The following FER variants were observed in gnomAD, a reference collection of about 807,000 sequenced individuals.
FER encodes tyrosine-protein kinase Fer.
In FER, 63 loss-of-function variants were observed where a neutral mutation model predicts 111.0. The observed-to-expected ratio is 0.57, with a 90% CI of 0.46 to 0.70. The LOEUF (loss-of-function observed/expected upper bound fraction) is 0.70, where lower values mean the gene tolerates loss of function less well. Among genes scored for constraint, FER ranks in the 30% least tolerant of loss-of-function variants. The pLI, the probability that FER is intolerant of heterozygous loss-of-function variation, is 0.00. For synonymous variants in FER, 327 were observed against 313.9 expected, an observed-to-expected ratio of 1.04 and a Z score of -0.44; for missense variants, 914 against 954.0, an observed-to-expected ratio of 0.96 and a Z score of 0.55.
intron 3 of FER, among the ~76,000 whole-genome samples, chr5:108,813,867 C>G (rs1202187594): frequency 1.3e-5 from 2 of 152,078 alleles, no homozygotes; most frequent in Non-Finnish European, 2.9e-5. Flanking sequence ...CCTTCGTCTT[C>G]TTGTACCTGC....
At chr5:108,979,775 A>G (rs1043803989) in intron 13 of FER, among the ~76,000 whole-genome samples, 23 of 152,076 alleles carry the variant, frequency 1.5e-4, no homozygotes, top group African/African-American at 4.8e-4. Context: ...ATAAAAATTT[A>G]TTTTAGAAGA....
At chr5:108,790,791 C>T (rs575383377) in intron 2 of FER, among the ~76,000 whole-genome samples, 6 of 152,280 alleles carry the variant, frequency 3.9e-5, no homozygotes, top group African/African-American at 1.4e-4. Flanking sequence ...ATCCAGCACC[C>T]ACTAACAGTC....
At chr5:108,878,441 G>A (rs917141103) in intron 8 of FER, among the ~76,000 whole-genome samples, 1 of 151,956 alleles carries the variant, frequency 6.6e-6, no homozygotes, top group Non-Finnish European at 1.5e-5. Flanking sequence ...TTTCTTCTGT[G>A]TAAGTAGGAA....
chr5:108,896,928 A>G (rs966537854), intron 9 of FER, among the ~76,000 whole-genome samples: 6 of 152,158 alleles, frequency 3.9e-5, no homozygotes, highest in Admixed American at 6.5e-5. Flanking sequence ...GGCTATTTCC[A>G]GAAGTATCTA....
At chr5:109,033,602 G>C (rs1769946743) in intron 13 of FER, among the ~76,000 whole-genome samples, 1 of 152,038 alleles carries the variant, frequency 6.6e-6, no homozygotes. Context: ...AACTGAAATT[G>C]AATGTCTTTC....
chr5:108,884,607 A>C (rs565503852), intron 9 of FER, among the ~76,000 whole-genome samples: 1 of 151,114 alleles, frequency 6.6e-6, no homozygotes, highest in African/African-American at 2.4e-5. Flanking sequence ...TTTCCTTCCC[A>C]ACTGGGTCCT....
intron 13 of FER, among the ~76,000 whole-genome samples, chr5:109,018,084 C>T (rs2149821848): frequency 6.6e-6 from 1 of 151,934 alleles, no homozygotes; most frequent in East Asian, 1.9e-4. Flanking sequence ...GTTAGAATGC[C>T]TAGTCAAATG....
intron 5 of FER, among the ~76,000 whole-genome samples, chr5:108,849,014 C>G (rs901465640): frequency 6.7e-6 from 1 of 149,602 alleles, no homozygotes; most frequent in Non-Finnish European, 1.5e-5. Flanking sequence ...GAAATCTGCT[C>G]TAATCCTTAT....
At chr5:108,901,980 TAGTAG>T (rs1750094054) in intron 10 of FER, among the ~76,000 whole-genome samples, 2 of 152,178 alleles carry the variant, frequency 1.3e-5, no homozygotes, top group African/African-American at 4.8e-5. Context: ...TTTGGTCTAT[TAGTAG>T]AGTAACCTTT....
At chr5:108,905,829 C>G (rs968350222) in intron 10 of FER, among the ~76,000 whole-genome samples, 2 of 152,066 alleles carry the variant, frequency 1.3e-5, no homozygotes, top group East Asian at 3.8e-4. Context: ...ATTGATGTAA[C>G]TCAATTTTTA....
intron 6 of FER, among the ~76,000 whole-genome samples, chr5:108,869,281 A>G (rs566071733): frequency 6.6e-6 from 1 of 152,244 alleles, no homozygotes; most frequent in Non-Finnish European, 1.5e-5. Flanking sequence ...ATGACAGACA[A>G]GTGAGAATGG....
chr5:108,761,224 G>A (rs970718886), intron 1 of FER, among the ~76,000 whole-genome samples: 4 of 152,050 alleles, frequency 2.6e-5, no homozygotes, highest in Admixed American at 6.6e-5. Flanking sequence ...CACTGCACCT[G>A]GCCTATTTTG....
At chr5:108,828,832 G>C (rs1753757289) in intron 3 of FER, among the ~76,000 whole-genome samples, 1 of 152,158 alleles carries the variant, frequency 6.6e-6, no homozygotes, top group Admixed American at 6.5e-5. Flanking sequence ...GGGTGCAGTA[G>C]CTTACGCCTG....
intron 10 of FER, among the ~76,000 whole-genome samples, chr5:108,911,539 T>G (rs1314435756): frequency 6.6e-6 from 1 of 152,206 alleles, no homozygotes; most frequent in Admixed American, 6.5e-5. Flanking sequence ...ATTCTTCGTG[T>G]AGGCCAATGT....
intron 3 of FER, among the ~76,000 whole-genome samples, chr5:108,807,794 C>T: frequency 6.6e-6 from 1 of 152,100 alleles, no homozygotes; most frequent in East Asian, 1.9e-4. Flanking sequence ...TGTTGCGTCC[C>T]AGAGATTCTG....
chr5:108,771,999 C>T (rs1386080760), intron 2 of FER, among the ~76,000 whole-genome samples: 4 of 152,148 alleles, frequency 2.6e-5, no homozygotes, highest in Non-Finnish European at 5.9e-5. Context: ...GGAAGTCCAA[C>T]ATCAAGACAC....
chr5:108,845,426 G>A (rs1761936020), intron 5 of FER, among the ~76,000 whole-genome samples: 1 of 151,740 alleles, frequency 6.6e-6, no homozygotes, highest in African/African-American at 2.4e-5. Flanking sequence ...CAAGTGATAT[G>A]CCTGCTCGGC....
chr5:109,154,990 T>G (rs1421591821), intron 17 of FER, among the ~76,000 whole-genome samples: 1 of 151,876 alleles, frequency 6.6e-6, no homozygotes, highest in Non-Finnish European at 1.5e-5. Flanking sequence ...GAGAAACCAG[T>G]GTGGGTTAAT....
chr5:108,979,523 ATTACT>A (rs1286284752), intron 13 of FER, among the ~76,000 whole-genome samples: 3 of 152,192 alleles, frequency 2.0e-5, no homozygotes, highest in Admixed American at 2.0e-4. Context: ...ATTACACGGC[ATTACT>A]TTAAGTATAG....
Sources: gnomAD v4.1 joint callset for allele counts (sites outside exome capture counted in the v4.1 genomes callset) on GRCh38, gnomAD v4.1.1 for gene constraint, MANE v1.5 for transcripts, NCBI Gene and HGNC (gene_info 2026-07-23, HGNC 2026-07-21) for gene names.